Variants in UNC13C observed in about 807,000 individuals in gnomAD.
UNC13C encodes unc-13 homolog C.
In UNC13C, 174 loss-of-function variants were observed where a neutral mutation model predicts 245.4. That is an observed-to-expected ratio of 0.71 (90% confidence interval 0.63 to 0.80). The LOEUF (loss-of-function observed/expected upper bound fraction) is 0.80, where lower values mean the gene tolerates loss of function less well. Ranked by LOEUF, UNC13C falls within the 30% of genes least tolerant of loss-of-function variation. The pLI is 0.00. For missense variants in UNC13C, 2,829 were observed against 2,602.9 expected, an observed-to-expected ratio of 1.09 and a Z score of -1.89; for synonymous variants, 992 against 895.1, an observed-to-expected ratio of 1.11 and a Z score of -1.93.
At chr15:54,408,499 A>G (rs1364028861) in intron 18 of UNC13C, among the ~76,000 whole-genome samples, 1 of 152,158 alleles carries the variant, frequency 6.6e-6, no homozygotes, top group African/African-American at 2.4e-5. Flanking sequence ...AATATTATCC[A>G]TCTTTTAAAA....
At chr15:54,482,228 G>A (rs927274092) in intron 19 of UNC13C, among the ~76,000 whole-genome samples, 6 of 152,070 alleles carry the variant, frequency 3.9e-5, no homozygotes, top group Non-Finnish European at 8.8e-5. Context: ...TGTCAGCAGA[G>A]CTTCAGTAAC....
the UNC13C span, among the ~76,000 whole-genome samples, chr15:53,961,081 G>T: frequency 6.6e-6 from 1 of 152,144 alleles, no homozygotes; most frequent in African/African-American, 2.4e-5. Context: ...ATTTTTTGAT[G>T]GTTCCTAGGT....
intron 14 of UNC13C, among the ~76,000 whole-genome samples, chr15:54,330,914 A>G (rs2140993278): frequency 6.6e-6 from 1 of 152,150 alleles, no homozygotes; most frequent in Middle Eastern, 3.4e-3. Context: ...GCCTCCACAG[A>G]GGTTAACACA....
chr15:54,149,836 A>G (rs1184336449), intron 4 of UNC13C, among the ~76,000 whole-genome samples: 1 of 152,264 alleles, frequency 6.6e-6, no homozygotes, highest in Non-Finnish European at 1.5e-5. Flanking sequence ...AAACACAAAT[A>G]GAAATACAAG....
chr15:54,537,637 C>G (rs1480614634), intron 26 of UNC13C, among the ~76,000 whole-genome samples: 2 of 151,912 alleles, frequency 1.3e-5, no homozygotes, highest in African/African-American at 4.8e-5. Context: ...AAAACAGACA[C>G]ATAGACCAAT....
At chr15:54,082,984 T>A (rs1210644616) in intron 2 of UNC13C, among the ~76,000 whole-genome samples, 1 of 151,862 alleles carries the variant, frequency 6.6e-6, no homozygotes, top group Non-Finnish European at 1.5e-5. Context: ...GCACATCTTG[T>A]GTACTAGCAG....
chr15:54,309,617 T>C (rs1331378517), intron 13 of UNC13C, among the ~76,000 whole-genome samples: 1 of 151,906 alleles, frequency 6.6e-6, no homozygotes, highest in East Asian at 1.9e-4. Context: ...TGTTTTCTTC[T>C]AGTAGTTTTA....
intron 2 of UNC13C, among the ~76,000 whole-genome samples, chr15:54,087,245 T>C (rs1899297021): frequency 6.6e-6 from 1 of 151,764 alleles, no homozygotes; most frequent in African/African-American, 2.4e-5. Flanking sequence ...AATCAAAGAG[T>C]CTTAAAATTT....
chr15:53,905,543 C>G, the UNC13C span, among the ~76,000 whole-genome samples: 1 of 151,928 alleles, frequency 6.6e-6, no homozygotes, highest in South Asian at 2.1e-4. Flanking sequence ...ACTGCATGGT[C>G]TCATTCATAT....
chr15:54,268,660 T>G (rs1445792276), intron 10 of UNC13C, among the ~76,000 whole-genome samples: 1 of 152,144 alleles, frequency 6.6e-6, no homozygotes, highest in East Asian at 1.9e-4. Context: ...TAGTGCTCAA[T>G]TTCAGGCTAA....
chr15:53,852,598 A>C, the UNC13C span, among the ~76,000 whole-genome samples: 1 of 152,060 alleles, frequency 6.6e-6, no homozygotes, highest in African/African-American at 2.4e-5. Context: ...GAGCTCTTTG[A>C]CTAGGCTCTT....
Position 54,502,407 on chromosome 15 carries a change from A to G in UNC13C, c.5301+1429A>G, listed in dbSNP as rs570171210. 3.3e-5 allele frequency among the ~76,000 whole-genome samples: 5 copies of G among 152,300 alleles called. 1 individual carries two copies. The South Asian group carries it at 1.0e-3, about 32-fold the overall frequency. On this transcript the variant is annotated intron_variant, in intron 22 of 32. Coordinates refer to ENST00000260323, the MANE Select transcript of UNC13C (RefSeq NM_001080534.3). Reference sequence around the variant, plus strand: ...ATTTGCCATGAAATATTCTGATCTCATCTTCATTAATTAAGACTAACCTCC... The same window carrying G: ...ATTTGCCATGAAATATTCTGATCTCGTCTTCATTAATTAAGACTAACCTCC...
At chr15:54,183,759 A>G (rs896067297) in intron 4 of UNC13C, among the ~76,000 whole-genome samples, 79 of 73,128 alleles carry the variant, frequency 1.1e-3, no homozygotes, top group African/African-American at 4.4e-3. Flanking sequence ...GTGAGACAGA[A>G]AAAAAAAAAA....
upstream of UNC13C, among the ~76,000 whole-genome samples, chr15:53,978,102 C>G (rs753699134): frequency 2.0e-5 from 3 of 152,242 alleles, no homozygotes; most frequent in Non-Finnish European, 2.9e-5. Flanking sequence ...ACATCTAAAA[C>G]AGTCATTGTT....
At chr15:54,336,584 T>A (rs2038582946) in intron 16 of UNC13C, among the ~76,000 whole-genome samples, 1 of 152,104 alleles carries the variant, frequency 6.6e-6, no homozygotes. Flanking sequence ...TGGTTTTACC[T>A]TTTATATTTG....
chr15:54,049,902 G>T, intron 2 of UNC13C: 1 of 226,512 alleles, frequency 4.4e-6, no homozygotes, highest in South Asian at 6.6e-5. Context: ...TAAGATTATT[G>T]ACTGAGTTCC....
intron 30 of UNC13C, among the ~76,000 whole-genome samples, chr15:54,574,171 C>T (rs1897866232): frequency 6.6e-6 from 1 of 151,926 alleles, no homozygotes; most frequent in African/African-American, 2.4e-5. Context: ...TTCCTTGCAC[C>T]ATTAAAATAT....
chr15:54,249,323 T>C (rs1369782560), intron 7 of UNC13C, among the ~76,000 whole-genome samples: 1 of 152,212 alleles, frequency 6.6e-6, no homozygotes, highest in Non-Finnish European at 1.5e-5. Context: ...TATCATTATA[T>C]AATTTGATCT....
intron 8 of UNC13C, among the ~76,000 whole-genome samples, chr15:54,255,618 T>C (rs2036259842): frequency 6.6e-6 from 1 of 152,176 alleles, no homozygotes; most frequent in Non-Finnish European, 1.5e-5. Flanking sequence ...CCTATGTGTT[T>C]GCTGGCTAGA....
Sources: gnomAD v4.1 joint callset for allele counts (sites outside exome capture counted in the v4.1 genomes callset) on GRCh38, gnomAD v4.1.1 for gene constraint, MANE v1.5 for transcripts, NCBI Gene and HGNC (gene_info 2026-07-23, HGNC 2026-07-21) for gene names.